Variants in NBEA observed in about 807,000 individuals in gnomAD.
NBEA encodes lysosomal-trafficking regulator 2.
Under a neutral mutation model 343.4 loss-of-function variants are expected in NBEA, and 44 were observed. That is an observed-to-expected ratio of 0.13 (90% CI 0.10 to 0.16). The LOEUF is 0.16. NBEA is among the 10% of genes least tolerant of loss of function. NBEA has a pLI of 1.00. For missense variants in NBEA, 2,555 were observed against 3,631.3 expected (o/e 0.70, Z 7.62); for synonymous variants, 1,175 against 1,238.7 (o/e 0.95, Z 1.08).
At chr13:35,598,695 ACT>A (rs1304242984) in intron 47 of NBEA, among the ~76,000 whole-genome samples, 1 of 152,066 alleles carries the variant, frequency 6.6e-6, no homozygotes, top group Non-Finnish European at 1.5e-5. Flanking sequence ...CTCGTGAATC[ACT>A]CTGTGTAGCT....
intron 1 of NBEA, among the ~76,000 whole-genome samples, chr13:34,980,491 A>G (rs1183133913): frequency 6.8e-6 from 1 of 146,168 alleles, no homozygotes; most frequent in Non-Finnish European, 1.5e-5. Flanking sequence ...TTTAAATGCT[A>G]TTTGCTATGG....
intron 55 of NBEA, among the ~76,000 whole-genome samples, chr13:35,659,856 G>A (rs192574268): frequency 1.1e-3 from 164 of 152,256 alleles, no homozygotes; most frequent in Non-Finnish European, 2.1e-3. Flanking sequence ...GCTTTCATCC[G>A]AAACAGACTT....
intron 39 of NBEA, among the ~76,000 whole-genome samples, chr13:35,441,467 A>G (rs2045733653): frequency 6.6e-6 from 1 of 152,188 alleles, no homozygotes; most frequent in Admixed American, 6.5e-5. Context: ...GCTAACTTGC[A>G]TGACCTATCA....
intron 1 of NBEA, among the ~76,000 whole-genome samples, chr13:34,958,174 A>C (rs2059557893): frequency 6.6e-6 from 1 of 152,132 alleles, no homozygotes; most frequent in Admixed American, 6.6e-5. Flanking sequence ...GTGACTACTT[A>C]AATTTTAAAA....
chr13:35,070,133 G>A lies in NBEA; in HGVS notation c.1437+28G>A, dbSNP rs566994202. On this transcript the variant is annotated intron_variant, in intron 9 of 58. Transcript: ENST00000379939. ...GGGTGAATCGTGGCTTTGTTTTCATGTTCTTGTCAGAATTTGACAGTATCT... is the reference window on the plus strand; with the variant it reads ...GGGTGAATCGTGGCTTTGTTTTCATATTCTTGTCAGAATTTGACAGTATCT... The A allele has an allele frequency of 1.8e-5, 26 of 1,452,524 alleles. No individual in the cohort carries two copies. In the African/African-American group the frequency reaches 3.7e-4, roughly 21 times the overall value. The allele number at this position is 1,452,524 out of a possible 1,614,324, so 90.0% of individuals were successfully genotyped here. A position where few individuals can be genotyped will look rare whatever the true frequency, so the allele number is the denominator to read the frequency against.
intron 36 of NBEA, among the ~76,000 whole-genome samples, chr13:35,320,664 C>T (rs2038072034): frequency 6.6e-6 from 1 of 152,134 alleles, no homozygotes; most frequent in African/African-American, 2.4e-5. Context: ...TGGGGAAGTT[C>T]TCCTGGATAA....
chr13:35,224,768 G>A (rs958554177), intron 33 of NBEA, among the ~76,000 whole-genome samples: 3 of 151,922 alleles, frequency 2.0e-5, no homozygotes, highest in Non-Finnish European at 2.9e-5. Context: ...GTTTTTCTCT[G>A]GCTTTTTTTG....
At chr13:35,427,110 T>C (rs2044734451) in intron 38 of NBEA, among the ~76,000 whole-genome samples, 1 of 152,208 alleles carries the variant, frequency 6.6e-6, no homozygotes, top group Non-Finnish European at 1.5e-5. Flanking sequence ...AGTTTGATCA[T>C]CTGAAGCCTT....
intron 51 of NBEA, among the ~76,000 whole-genome samples, chr13:35,648,438 G>A (rs2084354348): frequency 6.6e-6 from 1 of 151,952 alleles, no homozygotes; most frequent in Non-Finnish European, 1.5e-5. Context: ...TTTATTTTAT[G>A]AAATGCTTTG....
At chr13:34,968,304 C>A (rs373716100) in intron 1 of NBEA, among the ~76,000 whole-genome samples, 1 of 152,050 alleles carries the variant, frequency 6.6e-6, no homozygotes, top group East Asian at 1.9e-4. Flanking sequence ...TTATGGGCCA[C>A]GTAATTGAAC....
chr13:34,981,602 G>A (rs1421425823), intron 1 of NBEA, among the ~76,000 whole-genome samples: 1 of 152,248 alleles, frequency 6.6e-6, no homozygotes, highest in Middle Eastern at 3.4e-3. Flanking sequence ...AAGGATTTGT[G>A]TGTCTGTGTT....
intron 38 of NBEA, among the ~76,000 whole-genome samples, chr13:35,385,389 A>G (rs2042197891): frequency 6.6e-6 from 1 of 152,166 alleles, no homozygotes; most frequent in African/African-American, 2.4e-5. Flanking sequence ...TAAGAAATTA[A>G]TATTTTATTT....
At chr13:35,528,802 A>T (rs552628824) in intron 41 of NBEA, among the ~76,000 whole-genome samples, 1 of 152,314 alleles carries the variant, frequency 6.6e-6, no homozygotes, top group East Asian at 1.9e-4. Flanking sequence ...AAACTAAGTC[A>T]TATCTTCTTA....
At position 35,190,937 on chromosome 13, in the gene NBEA, A is replaced by G. The variant is rs550366990; in HGVS notation, c.4928-4927A>G. Among the ~76,000 whole-genome samples, 5 of 152,276 alleles carry G rather than the reference A, an allele frequency of 3.3e-5. No individual in the cohort carries two copies. The South Asian group carries it at 1.0e-3, about 32-fold the overall frequency. ...TCTCACCAAAAGGAGGATACCAATAAAGATATATGTAATAAAGAACCAAAT... is the reference window on the plus strand; with the variant it reads ...TCTCACCAAAAGGAGGATACCAATAGAGATATATGTAATAAAGAACCAAAT... On this transcript the variant is annotated intron_variant, in intron 30 of 58. Coordinates refer to ENST00000379939, the MANE Select transcript of NBEA (RefSeq NM_001385012.1).
intron 16 of NBEA, among the ~76,000 whole-genome samples, chr13:35,119,293 C>T (rs2066665138): frequency 6.6e-6 from 1 of 151,926 alleles, no homozygotes; most frequent in African/African-American, 2.4e-5. Flanking sequence ...CGAGGTTATG[C>T]CATGTATAAC....
intron 38 of NBEA, among the ~76,000 whole-genome samples, chr13:35,399,613 C>T (rs2042902465): frequency 6.6e-6 from 1 of 152,080 alleles, no homozygotes; most frequent in Non-Finnish European, 1.5e-5. Flanking sequence ...CAAAGCCAAA[C>T]CATATAAGCT....
intron 34 of NBEA, among the ~76,000 whole-genome samples, chr13:35,284,149 A>T (rs1314035866): frequency 2.0e-5 from 3 of 152,130 alleles, no homozygotes; most frequent in African/African-American, 7.2e-5. Flanking sequence ...TGTGACAGAA[A>T]CTTATAGCCA....
intron 40 of NBEA, among the ~76,000 whole-genome samples, chr13:35,458,704 A>T (rs2046721179): frequency 6.6e-6 from 1 of 152,190 alleles, no homozygotes; most frequent in African/African-American, 2.4e-5. Flanking sequence ...CCAGGATAGG[A>T]ACAGCTAAAG....
chr13:35,528,288 TG>T, intron 41 of NBEA, among the ~76,000 whole-genome samples: 1 of 152,370 alleles, frequency 6.6e-6, no homozygotes, highest in Non-Finnish European at 1.5e-5. Flanking sequence ...TGTCTTTTTT[TG>T]TTCTCTTTCT....
Sources: allele counts gnomAD v4.1 joint callset (sites outside exome capture counted in the v4.1 genomes callset), GRCh38; gene constraint gnomAD v4.1.1; transcripts MANE v1.5; gene names NCBI Gene and HGNC (gene_info 2026-07-23, HGNC 2026-07-21).